The following ETFBKMT variants were observed in gnomAD, a reference collection of about 807,000 sequenced individuals.
ETFBKMT encodes electron transfer flavoprotein beta subunit lysine methyltransferase.
In ETFBKMT, 13 loss-of-function variants were observed where a neutral mutation model predicts 18.3. The ratio of observed to expected loss-of-function variants is 0.71; its 90% CI spans 0.46 to 1.13. The LOEUF (loss-of-function observed/expected upper bound fraction) is 1.13, where lower values mean the gene tolerates loss of function less well. Ranked by LOEUF, ETFBKMT falls within the 50% of genes most tolerant of loss-of-function variation. The pLI, the probability that ETFBKMT is intolerant of heterozygous loss-of-function variation, is 0.00. For synonymous variants in ETFBKMT, 84 were observed against 107.9 expected (o/e 0.78, Z 1.37); for missense variants, 293 against 306.2 (o/e 0.96, Z 0.32).
intron 3 of ETFBKMT, among the ~76,000 whole-genome samples, chr12:31,667,246 C>T (rs993932083): frequency 2.0e-5 from 3 of 152,098 alleles, no homozygotes; most frequent in Admixed American, 6.6e-5. Context: ...CCACCCGCCT[C>T]GGCCTCCCAA....
In ETFBKMT at chr12:31,673,004, T is replaced by C. The variant is rs1951315033; in HGVS notation, c.*5014T>C. 1 of 152,268 alleles carries C rather than the reference T, an allele frequency of 6.6e-6. No homozygotes were observed. The highest frequency in any genetic ancestry group is 2.4e-5 in the African/African-American group (1 of 41,458). 9.4% of individuals were successfully genotyped at this position (152,268 alleles called of 1,614,324 possible). ...TTTAACCAATCTATATTATTGGACATTTAGATGTTTTCAGTTTTTCACAAT... is the reference window on the plus strand; with the variant it reads ...TTTAACCAATCTATATTATTGGACACTTAGATGTTTTCAGTTTTTCACAAT... On this transcript the variant is annotated 3_prime_UTR_variant, in exon 4 of 4. Transcript: ENST00000357721.
chr12:31,668,137 T>C lies in ETFBKMT; in HGVS notation c.*147T>C, dbSNP rs1203654627. ...TTTAAAATATGAAGGTTTAGAGTTT[T>C]GTTTACTTTTGTCATGTAACTGGTT... On this transcript the variant is annotated 3_prime_UTR_variant, in exon 4 of 4. Coordinates refer to ENST00000357721, the MANE Select transcript of ETFBKMT (RefSeq NM_001135863.2). 1 of 666,180 alleles carries C rather than the reference T, an allele frequency of 1.5e-6. No individual in the cohort carries two copies. The highest frequency in any genetic ancestry group is 1.8e-5 in the African/African-American group (1 of 55,150). The allele number at this position is 666,180 out of a possible 1,614,324, so 41.3% of individuals were successfully genotyped here. A position where few individuals can be genotyped will look rare whatever the true frequency, so the allele number is the denominator to read the frequency against.
intron 2 of ETFBKMT, 111 bp downstream of exon 2, chr12:31,662,378 G>A: frequency 1.1e-6 from 1 of 951,100 alleles, no homozygotes; most frequent in Non-Finnish European, 1.5e-6. Flanking sequence ...CATGCCTGTA[G>A]TCTCAGTACT....
chr12:31,648,849 C>T (rs1417267733), intron 1 of ETFBKMT, among the ~76,000 whole-genome samples: 1 of 151,950 alleles, frequency 6.6e-6, no homozygotes, highest in African/African-American at 2.4e-5. Flanking sequence ...GCGTGAGCCA[C>T]CGCGCCCAGC....
intron 1 of ETFBKMT, among the ~76,000 whole-genome samples, chr12:31,661,626 A>G (rs1391655746): frequency 6.6e-6 from 1 of 151,932 alleles, no homozygotes; most frequent in Non-Finnish European, 1.5e-5. Flanking sequence ...CGCCTGGCTA[A>G]TTTTTTGTAT....
At position 31,667,935 on chromosome 12, in the gene ETFBKMT, C is replaced by T; in HGVS notation, c.734C>T (p.Thr245Ile). ...GTAGAATATTCACTTTTGGAGTCTA[C>T]TAGGCAGGAAAACAGTGGACTGACA... is the stretch of plus-strand genomic sequence containing the variant. ...KVVEYSLLES[T>I]RQENSGLTTS... Residue 245 changes from threonine (T) to isoleucine (I), a missense_variant, in exon 4 of 4, where the codon ACT (threonine) becomes ATT (isoleucine). Physicochemically the swap from Thr to Ile is moderately conservative, Grantham distance 89 (BLOSUM62 -1). Coordinates refer to ENST00000357721, the MANE Select transcript of ETFBKMT (RefSeq NM_001135863.2). 1 of 1,614,196 alleles carries T rather than the reference C, an allele frequency of 6.2e-7. No homozygotes were observed. The highest frequency in any genetic ancestry group is 1.3e-5 in the African/African-American group (1 of 75,040).
upstream of ETFBKMT, among the ~76,000 whole-genome samples, chr12:31,654,713 A>C (rs551809325): frequency 1.3e-5 from 2 of 152,300 alleles, no homozygotes; most frequent in African/African-American, 4.8e-5. Context: ...AATCTAGAAA[A>C]AGCAAAGTAA....
intron 2 of ETFBKMT, among the ~76,000 whole-genome samples, chr12:31,665,706 G>C (rs1402342951): frequency 2.0e-5 from 3 of 152,144 alleles, no homozygotes; most frequent in Admixed American, 6.6e-5. Context: ...CATTAGCATT[G>C]TTTCTATAGA....
At chr12:31,649,361 C>G (rs1950996492) in intron 1 of ETFBKMT, among the ~76,000 whole-genome samples, 1 of 152,194 alleles carries the variant, frequency 6.6e-6, no homozygotes, top group Non-Finnish European at 1.5e-5. Context: ...ACATTATGCT[C>G]AATGAAAGAG....
At chr12:31,667,079 C>T (rs1048606046) in intron 3 of ETFBKMT, among the ~76,000 whole-genome samples, 5 of 151,658 alleles carry the variant, frequency 3.3e-5, no homozygotes, top group Non-Finnish European at 7.4e-5. Context: ...ACTGCAACCT[C>T]CACCTCGTGG....
In ETFBKMT at chr12:31,662,304, C is replaced by A. The variant is rs771868569; in HGVS notation, c.314+37C>A. On this transcript the variant is annotated intron_variant, in intron 2 of 3. Transcript: ENST00000357721. ...ATGAAACCTTTAAGGCGCTACAGAT[C>A]TTTGCTGTTTTCAGTTCCCTCCAAC... The A allele has an allele frequency of 1.9e-6, 3 of 1,589,586 alleles. No individual in the cohort carries two copies. The Admixed American group carries it at 5.1e-5, about 27-fold the overall frequency.
At chr12:31,666,019 TG>T in intron 2 of ETFBKMT, 67 bp from the exon 3 acceptor site, 1 of 1,435,964 alleles carries the variant, frequency 7.0e-7, no homozygotes, top group Non-Finnish European at 9.4e-7. Context: ...GGCCAGATTT[TG>T]GGGGGCCTGT....
intron 3 of ETFBKMT, among the ~76,000 whole-genome samples, chr12:31,666,999 CT>C (rs1212726747): frequency 0.021 from 2,824 of 134,806 alleles, 66 homozygotes; most frequent in African/African-American, 0.065. Context: ...CTTTTTTTTT[CT>C]TTTTTTTTTT....
rs532835413 is a variant in ETFBKMT, at chr12:31,652,088, C to T, written c.-114+4833C>T. ...TTAGGGTGGGGTAACCAGGCTTCCC[C>T]TGCGCACAGTGTAAACGTCATACCT... On this transcript the variant is annotated intron_variant, in intron 1 of 3. Coordinates refer to the ETFBKMT transcript ENST00000412352. 1.0e-3 allele frequency among the ~76,000 whole-genome samples: 158 copies of T among 152,304 alleles called. 2 individuals are homozygous for T. The South Asian group carries it at 0.032, about 31-fold the overall frequency.
rs1951251653 is a variant in ETFBKMT, at chr12:31,670,463, T to TGTG, written c.*2474_*2475insTGG. The TGTG allele has an allele frequency of 6.6e-6, 1 of 150,998 alleles. No individual in the cohort carries two copies. Among genetic ancestry groups the TGTG allele is most frequent in the African/African-American group, 2.4e-5 (1 of 41,280 alleles). 9.4% of individuals were successfully genotyped at this position (150,998 alleles called of 1,614,324 possible). A position where few individuals can be genotyped will look rare whatever the true frequency, so the allele number is the denominator to read the frequency against. ...GACTGGAAATTTTTGTTGTTGTTGT[T>TGTG]GGGTGTTTTGTTTTGTTTGTTTTTA... On this transcript the variant is annotated 3_prime_UTR_variant, in exon 4 of 4. Transcript: ENST00000357721.
At chr12:31,656,689 C>G (rs1200243593), upstream of ETFBKMT, among the ~76,000 whole-genome samples, 1 of 152,240 alleles carries the variant, frequency 6.6e-6, no homozygotes, top group Non-Finnish European at 1.5e-5. Flanking sequence ...TGTTCCAATT[C>G]TTTCCATCCC....
chr12:31,667,904 A>G lies in ETFBKMT; in HGVS notation c.703A>G (p.Lys235Glu). The G allele has an allele frequency of 6.2e-7, 1 of 1,614,224 alleles. No individual in the cohort carries two copies. Among genetic ancestry groups the G allele is most frequent in the Non-Finnish European group, 8.5e-7 (1 of 1,180,040 alleles). Residue 235 changes from lysine to glutamate, a missense_variant, in exon 4 of 4, where the codon AAA (lysine) becomes GAA (glutamate). By Grantham distance (56) the Lys-to-Glu change is moderately conservative. Coordinates refer to ENST00000357721, the MANE Select transcript of ETFBKMT (RefSeq NM_001135863.2). ...SGHSIQHHLHKVVEYSLLEST... is the reference protein window; with the variant it reads ...SGHSIQHHLHEVVEYSLLEST... ...ACACAGCATTCAGCATCACCTGCAC[A>G]AAGTGGTAGAATATTCACTTTTGGA...
chr12:31,655,241 C>A (rs1951051813), upstream of ETFBKMT, among the ~76,000 whole-genome samples: 1 of 152,018 alleles, frequency 6.6e-6, no homozygotes, highest in Admixed American at 6.6e-5. Flanking sequence ...CTCATTATGC[C>A]AAAGGGAAAA....
chr12:31,660,142 G>A (rs2139618108), intron 1 of ETFBKMT: 1 of 138,496 alleles, frequency 7.2e-6, no homozygotes. Context: ...CTCCAGCCTG[G>A]GCAACAGAGA....
Sources: allele counts gnomAD v4.1 joint callset (sites outside exome capture counted in the v4.1 genomes callset), GRCh38; gene constraint gnomAD v4.1.1; transcripts MANE v1.5; gene names NCBI Gene and HGNC (gene_info 2026-07-23, HGNC 2026-07-21).